The following GLB1 variants were observed in gnomAD, a reference collection of about 807,000 sequenced individuals.
GLB1 encodes beta-galactosidase.
A neutral mutation model predicts 74.0 loss-of-function variants in GLB1; 56 were observed. The ratio of observed to expected loss-of-function variants is 0.76; its 90% CI spans 0.61 to 0.94. GLB1 has a LOEUF of 0.94. Among genes scored for constraint, GLB1 ranks in the 40% least tolerant of loss-of-function variants. The pLI, the probability that GLB1 is intolerant of heterozygous loss-of-function variation, is 0.00. For synonymous variants in GLB1, 323 were observed against 323.6 expected, an observed-to-expected ratio of 1.00 and a Z score of 0.02; for missense variants, 787 against 845.5, an observed-to-expected ratio of 0.93 and a Z score of 0.86.
At chr3:33,094,150 C>A in intron 1 of GLB1, 1 of 1,612,662 alleles carries the variant, frequency 6.2e-7, no homozygotes, top group Non-Finnish European at 8.5e-7. Flanking sequence ...GTGACAGCAG[C>A]CAGGGTGGCC....
chr3:33,048,585 T>C (rs1031574531), intron 9 of GLB1, among the ~76,000 whole-genome samples: 6 of 152,214 alleles, frequency 3.9e-5, no homozygotes, highest in African/African-American at 1.4e-4. Flanking sequence ...CCACTCCTGA[T>C]GCCTTTCTCT....
intron 1 of GLB1, chr3:33,090,876 C>T (rs1700728634): frequency 1.0e-6 from 1 of 985,014 alleles, no homozygotes; most frequent in South Asian, 4.7e-5. Flanking sequence ...GTACATAAGA[C>T]CACACAATGA....
intron 1 of GLB1, among the ~76,000 whole-genome samples, chr3:33,087,015 T>G (rs1292717046): frequency 8.3e-6 from 1 of 120,202 alleles, no homozygotes; most frequent in African/African-American, 3.2e-5. Flanking sequence ...GAAAAAAAAA[T>G]CAACAAAATT....
chr3:33,033,863 A>G (rs2125495510), intron 10 of GLB1: 1 of 501,822 alleles, frequency 2.0e-6, no homozygotes, highest in South Asian at 1.6e-5. Flanking sequence ...CGCTGGTATC[A>G]TGGTGTCAGT....
the GLB1 span, among the ~76,000 whole-genome samples, chr3:32,967,383 A>G: frequency 6.6e-6 from 1 of 152,212 alleles, no homozygotes; most frequent in Admixed American, 6.5e-5. Context: ...CCTGGCCAAC[A>G]TGGTGAAACC....
chr3:33,042,461 G>A (rs970218030), intron 10 of GLB1, among the ~76,000 whole-genome samples: 6 of 135,704 alleles, frequency 4.4e-5, no homozygotes, highest in African/African-American at 1.7e-4. Context: ...TCCACCTCCC[G>A]GGTTCACGCC....
chr3:32,998,931 T>G (rs1696431643), intron 15 of GLB1, among the ~76,000 whole-genome samples: 1 of 152,212 alleles, frequency 6.6e-6, no homozygotes, highest in Non-Finnish European at 1.5e-5. Context: ...CCTACCTGAG[T>G]TCGTATCTGT....
chr3:33,003,277 C>T (rs1261223777), intron 15 of GLB1, among the ~76,000 whole-genome samples: 1 of 152,178 alleles, frequency 6.6e-6, no homozygotes, highest in Admixed American at 6.5e-5. Context: ...CCAACAGTTC[C>T]ACCATAGCTA....
At chr3:33,091,116 G>A in intron 1 of GLB1, 1 of 985,366 alleles carries the variant, frequency 1.0e-6, no homozygotes, top group Non-Finnish European at 1.2e-6. Context: ...GAACTTAAAG[G>A]GAGTAAGGAT....
chr3:32,968,178 G>A, the GLB1 span, among the ~76,000 whole-genome samples: 16 of 152,334 alleles, frequency 1.1e-4, 1 homozygote, highest in South Asian at 3.3e-3. Context: ...AAGAGAAGCT[G>A]GCTTTGCAAG....
chr3:33,096,317 C>T, intron 1 of GLB1: 7 of 908,558 alleles, frequency 7.7e-6, no homozygotes, highest in Non-Finnish European at 9.2e-6. Context: ...CTCCCACCAA[C>T]TGTGCACGCC....
chr3:32,986,093 G>C, the GLB1 span, among the ~76,000 whole-genome samples: 9 of 152,360 alleles, frequency 5.9e-5, no homozygotes, highest in South Asian at 4.1e-4. Flanking sequence ...CTTTAAGTTA[G>C]TGTGTGATTT....
Position 33,068,217 on chromosome 3 carries a change from T to A in GLB1, c.457+13A>T. ...CTTTTATAAATCTTCTCAAGACATCTGTAACAACCTACCTGGGTCGGAGGA... is the reference window on the plus strand; with the variant it reads ...CTTTTATAAATCTTCTCAAGACATCAGTAACAACCTACCTGGGTCGGAGGA... On this transcript the variant is annotated intron_variant, in intron 4 of 15. Coordinates refer to ENST00000307363, the MANE Select transcript of GLB1 (RefSeq NM_000404.4). 6.2e-7 allele frequency: 1 copy of A among 1,614,078 alleles called. No homozygotes were observed. The highest frequency in any genetic ancestry group is 8.5e-7 in the Non-Finnish European group (1 of 1,180,000).
intron 15 of GLB1, among the ~76,000 whole-genome samples, chr3:33,008,616 G>C (rs1470590050): frequency 6.6e-6 from 1 of 152,166 alleles, no homozygotes; most frequent in Non-Finnish European, 1.5e-5. Context: ...ACCAAGGACT[G>C]CTGGGCAAAT....
In GLB1 at chr3:33,097,140, C is replaced by T. The variant is rs1050426389; in HGVS notation, c.-55G>A. 2.5e-5 allele frequency: 40 copies of T among 1,600,256 alleles called. No homozygotes were observed. Among genetic ancestry groups the T allele is most frequent in the Middle Eastern group, 1.7e-4 (1 of 6,012 alleles). ...CGCCCAGGCCGGCCGCTTCGCGTCA[C>T]TTGACTAAGGACCCACGGCCTGGCA... On this transcript the variant is annotated 5_prime_UTR_variant, in exon 1 of 16. It adds an upstream start codon to the 5' untranslated region. Transcript: ENST00000307363.
At chr3:33,009,034 G>T (rs193214218) in intron 15 of GLB1, among the ~76,000 whole-genome samples, 1 of 151,682 alleles carries the variant, frequency 6.6e-6, no homozygotes, top group Non-Finnish European at 1.5e-5. Context: ...CAGGAGAATC[G>T]CTTGAACCTG....
intron 2 of GLB1, 74 bp downstream of exon 2, chr3:33,072,470 G>A: frequency 6.2e-7 from 1 of 1,602,312 alleles, no homozygotes; most frequent in East Asian, 2.2e-5. Flanking sequence ...TAGCCACCCT[G>A]AGAAATACAG....
At chr3:33,096,986 C>T in intron 1 of GLB1, 25 bp downstream of exon 1, 4 of 1,609,726 alleles carry the variant, frequency 2.5e-6, no homozygotes, top group Non-Finnish European at 3.4e-6. Flanking sequence ...CAATGCCTCC[C>T]CGTACCCGGG....
Position 33,095,292 on chromosome 3 carries a change from T to C in GLB1, c.75+1719A>G, listed in dbSNP as rs542621305. ...AATTTAGTTAAAATTTGAGAACCGC[T>C]GGGTCACGAGGTCAGGAGATCGAGA... On this transcript the variant is annotated intron_variant, in intron 1 of 15. Transcript: ENST00000307363. Among the ~76,000 whole-genome samples the C allele has an allele frequency of 1.6e-3, 237 of 150,910 alleles. 1 individual carries two copies. In the Middle Eastern group the frequency reaches 0.017, roughly 11 times the overall value.
Sources: allele counts gnomAD v4.1 joint callset (sites outside exome capture counted in the v4.1 genomes callset), GRCh38; gene constraint gnomAD v4.1.1; transcripts MANE v1.5; gene names NCBI Gene and HGNC (gene_info 2026-07-23, HGNC 2026-07-21).